The following CLEC2A variants were observed in gnomAD, a reference collection of about 807,000 sequenced individuals.
CLEC2A encodes C-type lectin domain family 2 member A.
In CLEC2A, 19 loss-of-function variants were observed where a neutral mutation model predicts 18.6. The ratio of observed to expected loss-of-function variants is 1.02; its 90% CI spans 0.71 to 1.50. The LOEUF (loss-of-function observed/expected upper bound fraction) is 1.50, where lower values mean the gene tolerates loss of function less well. Among genes scored for constraint, CLEC2A ranks in the 40% most tolerant of loss-of-function variants. CLEC2A has a pLI of 0.00. For synonymous variants in CLEC2A, 74 were observed against 64.0 expected (o/e 1.16, Z -0.75); for missense variants, 190 against 207.9 (o/e 0.91, Z 0.53).
intron 1 of CLEC2A, among the ~76,000 whole-genome samples, chr12:9,930,599 T>C (rs1363819988): frequency 6.6e-6 from 1 of 152,078 alleles, no homozygotes; most frequent in Non-Finnish European, 1.5e-5. Context: ...TTTCTTTCAC[T>C]CTATTGTGCC....
chr12:9,911,027 A>G (rs1201315198), downstream of CLEC2A, among the ~76,000 whole-genome samples: 1 of 152,216 alleles, frequency 6.6e-6, no homozygotes, highest in East Asian at 1.9e-4. Flanking sequence ...CATGCAGCAC[A>G]CTGAACAAAG....
chr12:9,877,839 C>G, the CLEC2A span, among the ~76,000 whole-genome samples: 3 of 151,962 alleles, frequency 2.0e-5, no homozygotes, highest in African/African-American at 7.3e-5. Context: ...TTGAATGAAT[C>G]AATATACGAA....
the CLEC2A span, chr12:9,893,426 C>T: frequency 2.2e-5 from 28 of 1,293,512 alleles, no homozygotes; most frequent in African/African-American, 5.8e-5. Flanking sequence ...ATTTCTTCTG[C>T]AGGAGTTCAT....
downstream of CLEC2A, among the ~76,000 whole-genome samples, chr12:9,910,885 A>C (rs1474503828): frequency 2.6e-5 from 4 of 152,126 alleles, no homozygotes; most frequent in Non-Finnish European, 4.4e-5. Context: ...CCAGAGGAGA[A>C]AGGGTATCCC....
chr12:9,922,758 G>C (rs1863195052), intron 2 of CLEC2A, among the ~76,000 whole-genome samples: 1 of 152,130 alleles, frequency 6.6e-6, no homozygotes, highest in Non-Finnish European at 1.5e-5. Context: ...ACATTGTTTG[G>C]AGATTTACTG....
At chr12:9,920,596 T>C (rs1347081835) in intron 3 of CLEC2A, among the ~76,000 whole-genome samples, 1 of 152,140 alleles carries the variant, frequency 6.6e-6, no homozygotes, top group Non-Finnish European at 1.5e-5. Context: ...ATTAGTTCCA[T>C]TGCGTGTACC....
chr12:9,878,841 C>A, the CLEC2A span, among the ~76,000 whole-genome samples: 1 of 152,108 alleles, frequency 6.6e-6, no homozygotes, highest in African/African-American at 2.4e-5. Flanking sequence ...ACAGCCTCCT[C>A]CAGGCTTTGA....
intron 2 of CLEC2A, among the ~76,000 whole-genome samples, chr12:9,925,303 T>G (rs551373731): frequency 1.3e-5 from 2 of 152,328 alleles, no homozygotes; most frequent in South Asian, 4.1e-4. Context: ...TAAATAAAGT[T>G]TTATAGAACA....
At chr12:9,903,057 G>A (rs2137016760) in intron 4 of CLEC2A, among the ~76,000 whole-genome samples, 1 of 152,290 alleles carries the variant, frequency 6.6e-6, no homozygotes, top group Non-Finnish European at 1.5e-5. Flanking sequence ...GAACAGGAGG[G>A]CTGTTTGCAG....
At chr12:9,908,074 C>A (rs113890309) in intron 4 of CLEC2A, among the ~76,000 whole-genome samples, 227 of 152,276 alleles carry the variant, frequency 1.5e-3, no homozygotes, top group African/African-American at 5.3e-3. Flanking sequence ...TCAAGAAGCC[C>A]GTCTTGAATG....
At chr12:9,905,200 G>T (rs530536987) in intron 4 of CLEC2A, among the ~76,000 whole-genome samples, 2 of 152,168 alleles carry the variant, frequency 1.3e-5, no homozygotes, top group African/African-American at 2.4e-5. Context: ...TTCTCTGATT[G>T]TGGAAGTGTC....
chr12:9,896,478 G>A (rs1379476980), downstream of CLEC2A, among the ~76,000 whole-genome samples: 1 of 150,982 alleles, frequency 6.6e-6, no homozygotes, highest in African/African-American at 2.4e-5. Flanking sequence ...GCAAATCCGT[G>A]CATGTAAATT....
chr12:9,893,656 T>C, the CLEC2A span: 1 of 435,758 alleles, frequency 2.3e-6, no homozygotes, highest in Non-Finnish European at 3.9e-6. Context: ...TATCTTTACA[T>C]TTTTTTCTAC....
chr12:9,901,333 AC>A (rs1410385060), intron 4 of CLEC2A, among the ~76,000 whole-genome samples: 3 of 152,174 alleles, frequency 2.0e-5, no homozygotes, highest in African/African-American at 7.2e-5. Flanking sequence ...AAACAAGACA[AC>A]AATTGTCTGT....
At chr12:9,888,787 C>A in the CLEC2A span, 2 of 1,488,900 alleles carry the variant, frequency 1.3e-6, no homozygotes, top group African/African-American at 1.4e-5. Flanking sequence ...TCAGGTAATA[C>A]TCTTTTTGTT....
At chr12:9,915,581 T>C (rs966338148) in intron 4 of CLEC2A, among the ~76,000 whole-genome samples, 4 of 152,088 alleles carry the variant, frequency 2.6e-5, no homozygotes, top group African/African-American at 9.7e-5. Flanking sequence ...GAAACTGTCA[T>C]CCTCAGCAAA....
downstream of CLEC2A, among the ~76,000 whole-genome samples, chr12:9,893,919 G>A (rs1016907549): frequency 1.3e-5 from 2 of 152,044 alleles, no homozygotes; most frequent in African/African-American, 4.8e-5. Context: ...ATAAATAAAA[G>A]CTGGAATGTG....
the CLEC2A span, among the ~76,000 whole-genome samples, chr12:9,883,250 A>G: frequency 1.3e-5 from 2 of 152,200 alleles, no homozygotes; most frequent in Admixed American, 6.5e-5. Context: ...TAAATCAGAA[A>G]AAATATTTTC....
At chr12:9,918,136 TA>T (rs1863103008) in intron 3 of CLEC2A, among the ~76,000 whole-genome samples, 1 of 152,160 alleles carries the variant, frequency 6.6e-6, no homozygotes, top group Non-Finnish European at 1.5e-5. Context: ...CATTTTTTTT[TA>T]CTATTGCTTT....
Sources: gnomAD v4.1 joint callset for allele counts (sites outside exome capture counted in the v4.1 genomes callset) on GRCh38, gnomAD v4.1.1 for gene constraint, MANE v1.5 for transcripts, NCBI Gene and HGNC (gene_info 2026-07-23, HGNC 2026-07-21) for gene names.